Variants in CDC42SE2 observed in about 807,000 individuals in gnomAD.
CDC42SE2 encodes CDC42 small effector 2.
A neutral mutation model predicts 11.5 loss-of-function variants in CDC42SE2; 3 were observed. That is an observed-to-expected ratio of 0.26 (90% confidence interval 0.12 to 0.67). The LOEUF (loss-of-function observed/expected upper bound fraction) is 0.67. CDC42SE2 is among the 30% of genes least tolerant of loss of function. CDC42SE2 has a pLI of 0.80. For synonymous variants in CDC42SE2, 33 were observed against 34.8 expected, an observed-to-expected ratio of 0.95 and a Z score of 0.18; for missense variants, 82 against 106.8, an observed-to-expected ratio of 0.77 and a Z score of 1.02.
At chr5:131,222,545 T>G in the CDC42SE2 span, among the ~76,000 whole-genome samples, 1 of 152,224 alleles carries the variant, frequency 6.6e-6, no homozygotes, top group Admixed American at 6.5e-5. Flanking sequence ...AACTAAGACT[T>G]TACTAAATGA....
chr5:131,239,045 A>C, the CDC42SE2 span, among the ~76,000 whole-genome samples: 1 of 151,842 alleles, frequency 6.6e-6, no homozygotes, highest in Non-Finnish European at 1.5e-5. Flanking sequence ...AATCCCAGCT[A>C]CTCAGGAGGC....
rs189884969 is a variant in CDC42SE2 at position 131,336,269 on chromosome 5, T to G, written c.-286+20125T>G. On this transcript the variant is annotated intron_variant, in intron 2 of 4. Transcript: ENST00000505065. ...ATATGAAATGCTGAGTTGAAAATTC[T>G]TAATTCTTTAAGAATGTTGAATATT... 6.6e-5 allele frequency among the ~76,000 whole-genome samples: 10 copies of G among 152,344 alleles called. No homozygotes were observed. The East Asian group carries it at 1.9e-3, about 29-fold the overall frequency.
intron 2 of CDC42SE2, among the ~76,000 whole-genome samples, chr5:131,330,168 A>G (rs148949000): frequency 2.0e-5 from 3 of 152,280 alleles, no homozygotes; most frequent in East Asian, 1.9e-4. Context: ...CTGGAAGGCT[A>G]AGCTCAGTTG....
intron 2 of CDC42SE2, among the ~76,000 whole-genome samples, chr5:131,331,225 C>T (rs1758413635): frequency 6.6e-6 from 1 of 151,986 alleles, no homozygotes. Flanking sequence ...CACGGAAATT[C>T]TACGTACTAT....
At chr5:131,312,737 G>C (rs1434210557) in intron 1 of CDC42SE2, among the ~76,000 whole-genome samples, 1 of 152,156 alleles carries the variant, frequency 6.6e-6, no homozygotes, top group African/African-American at 2.4e-5. Flanking sequence ...CTTTGACTAG[G>C]AAAGGGAACT....
rs921975770 is a variant in CDC42SE2 at position 131,393,799 on chromosome 5, G to A, written c.*2708G>A. On this transcript the variant is annotated 3_prime_UTR_variant, in exon 5 of 5. Transcript: ENST00000505065. The stretch of plus-strand genomic sequence containing the variant: ...TCCTTTTCCCTGACTCATGATTTTA[G>A]TCTTTTTCCAAATCGCTGTTTTTTT... 4.0e-4 allele frequency: 58 copies of A among 143,812 alleles called. No individual in the cohort carries two copies. The highest frequency in any genetic ancestry group is 1.5e-3 in the African/African-American group (57 of 39,298). The allele number at this position is 143,812 out of a possible 1,614,324, so 8.9% of individuals were successfully genotyped here.
intron 2 of CDC42SE2, among the ~76,000 whole-genome samples, chr5:131,343,631 G>T (rs1433328424): frequency 6.6e-6 from 1 of 151,708 alleles, no homozygotes; most frequent in Non-Finnish European, 1.5e-5. Context: ...GAGAATTGCT[G>T]GAACCCAGGA....
intron 2 of CDC42SE2, among the ~76,000 whole-genome samples, chr5:131,357,439 C>T (rs1465095799): frequency 2.6e-5 from 4 of 152,106 alleles, no homozygotes; most frequent in Admixed American, 6.5e-5. Flanking sequence ...CAAAAATCAC[C>T]GTCACTTCTG....
At chr5:131,329,154 T>A (rs1173743524) in intron 2 of CDC42SE2, among the ~76,000 whole-genome samples, 1 of 152,200 alleles carries the variant, frequency 6.6e-6, no homozygotes, top group Non-Finnish European at 1.5e-5. Flanking sequence ...TCTAGGCTGT[T>A]GCTGCCAATT....
rs569411530 is a variant in CDC42SE2, at chr5:131,363,104, G to A, written c.54+3557G>A. ...GGTTGCAGTGAGCTGAGATTGCGCC[G>A]CTGTGCTCCAGCCTGGCGACAGGGC... On this transcript the variant is annotated intron_variant, in intron 3 of 4. Coordinates refer to ENST00000505065, the MANE Select transcript of CDC42SE2 (RefSeq NM_001375635.1). Among the ~76,000 whole-genome samples the A allele has an allele frequency of 4.0e-5, 6 of 151,636 alleles. No individual in the cohort carries two copies. The South Asian group carries it at 8.3e-4, about 21-fold the overall frequency.
upstream of CDC42SE2, among the ~76,000 whole-genome samples, chr5:131,245,011 G>A (rs1357409000): frequency 6.6e-6 from 1 of 152,180 alleles, no homozygotes; most frequent in East Asian, 1.9e-4. Flanking sequence ...ACCAGTGGCT[G>A]CTCAGAATTG....
the CDC42SE2 span, among the ~76,000 whole-genome samples, chr5:131,236,972 C>T: frequency 6.6e-6 from 1 of 152,138 alleles, no homozygotes; most frequent in African/African-American, 2.4e-5. Context: ...TTCATTACTC[C>T]TCTATTTCAT....
At chr5:131,307,228 G>T (rs1358709659) in intron 1 of CDC42SE2, among the ~76,000 whole-genome samples, 1 of 86,880 alleles carries the variant, frequency 1.2e-5, no homozygotes, top group African/African-American at 4.9e-5. Flanking sequence ...CCCCCCACCC[G>T]ACAACAGTCC....
intron 3 of CDC42SE2, among the ~76,000 whole-genome samples, chr5:131,381,267 C>T (rs1750313202): frequency 6.6e-6 from 1 of 151,944 alleles, no homozygotes; most frequent in African/African-American, 2.4e-5. Flanking sequence ...TATTTCTTAA[C>T]TCCTCCCTCT....
the CDC42SE2 span, among the ~76,000 whole-genome samples, chr5:131,235,684 T>G: frequency 6.6e-6 from 1 of 151,778 alleles, no homozygotes; most frequent in African/African-American, 2.4e-5. Context: ...AATCTCCACC[T>G]CCCGAGTTCA....
intron 1 of CDC42SE2, among the ~76,000 whole-genome samples, chr5:131,271,336 A>G (rs750756233): frequency 2.0e-5 from 3 of 152,190 alleles, no homozygotes; most frequent in Non-Finnish European, 4.4e-5. Context: ...AGACCCTCCA[A>G]ATCATCAGAT....
chr5:131,365,000 C>T (rs1749812241), intron 3 of CDC42SE2, among the ~76,000 whole-genome samples: 1 of 152,104 alleles, frequency 6.6e-6, no homozygotes. Flanking sequence ...TAGAAAACAT[C>T]AAAGTTAGGC....
chr5:131,253,679 C>T (rs908840522), intron 1 of CDC42SE2, among the ~76,000 whole-genome samples: 6 of 152,094 alleles, frequency 3.9e-5, no homozygotes, highest in Non-Finnish European at 8.8e-5. Context: ...GCAGGAGAAT[C>T]GCTTGAACCC....
At chr5:131,282,929 C>CTTT (rs767091920) in intron 1 of CDC42SE2, among the ~76,000 whole-genome samples, 14 of 127,252 alleles carry the variant, frequency 1.1e-4, no homozygotes, top group South Asian at 7.7e-4. Context: ...GCACCTGGCC[C>CTTT]TTTTTTTTTT....
Sources: gnomAD v4.1 joint callset for allele counts (sites outside exome capture counted in the v4.1 genomes callset) on GRCh38, gnomAD v4.1.1 for gene constraint, MANE v1.5 for transcripts, NCBI Gene and HGNC (gene_info 2026-07-23, HGNC 2026-07-21) for gene names.